MACROD2: variants seen among roughly 807,000 people sequenced by gnomAD.
MACROD2 encodes the protein mono-ADP ribosylhydrolase 2, also known as ADP-ribose glycohydrolase MACROD2.
MACROD2 carries 36 observed loss-of-function variants against 70.4 expected under a neutral mutation model. That is an observed-to-expected ratio of 0.51 (90% CI 0.39 to 0.68). The LOEUF is 0.68. Ranked by LOEUF, MACROD2 falls within the 30% of genes least tolerant of loss-of-function variation. The pLI, the probability that MACROD2 is intolerant of heterozygous loss-of-function variation, is 0.00. For synonymous variants in MACROD2, 172 were observed against 178.8 expected (o/e 0.96, Z 0.30); for missense variants, 496 against 538.4 (o/e 0.92, Z 0.78).
intron 3 of MACROD2, among the ~76,000 whole-genome samples, chr20:14,294,689 G>C (rs1331812228): frequency 1.3e-5 from 2 of 151,776 alleles, no homozygotes; most frequent in Non-Finnish European, 2.9e-5. Context: ...AGTAGGCATT[G>C]AGATGCTCTT....
At chr20:14,281,377 A>G (rs891918403) in intron 3 of MACROD2, among the ~76,000 whole-genome samples, 2 of 152,246 alleles carry the variant, frequency 1.3e-5, no homozygotes, top group Admixed American at 6.5e-5. Context: ...GCAAATCCAT[A>G]GAAACAGAAG....
intron 6 of MACROD2, among the ~76,000 whole-genome samples, chr20:15,254,102 G>A (rs1022242222): frequency 6.6e-6 from 1 of 152,094 alleles, no homozygotes; most frequent in African/African-American, 2.4e-5. Context: ...ACTTTAAAAT[G>A]TCTCTTCACC....
chr20:15,443,587 G>A (rs1005135186), intron 7 of MACROD2, among the ~76,000 whole-genome samples: 4 of 152,048 alleles, frequency 2.6e-5, no homozygotes, highest in African/African-American at 7.2e-5. Flanking sequence ...ATCTTCTTAA[G>A]CAATTGCGTT....
intron 3 of MACROD2, among the ~76,000 whole-genome samples, chr20:14,481,548 T>C (rs1336223002): frequency 6.6e-6 from 1 of 152,214 alleles, no homozygotes; most frequent in African/African-American, 2.4e-5. Flanking sequence ...GTAACTTTGG[T>C]TTAAAAACCA....
chr20:14,862,680 TATATATATAA>T (rs1318346129), intron 5 of MACROD2, among the ~76,000 whole-genome samples: 2 of 69,252 alleles, frequency 2.9e-5, no homozygotes, highest in African/African-American at 6.5e-5. Flanking sequence ...TATATATAAA[TATATATATAA>T]ATATATATAA....
At chr20:15,462,542 G>A (rs1049088135) in intron 7 of MACROD2, among the ~76,000 whole-genome samples, 1 of 152,166 alleles carries the variant, frequency 6.6e-6, no homozygotes, top group African/African-American at 2.4e-5. Context: ...TGAAAGATAG[G>A]AAAGGCAAGT....
At chr20:16,035,072 AAATATAATATGTAATATAAAATAT>A (rs1329919072) in intron 15 of MACROD2, among the ~76,000 whole-genome samples, 18 of 26,978 alleles carry the variant, frequency 6.7e-4, no homozygotes, top group Non-Finnish European at 8.5e-4. Flanking sequence ...ATTATATATA[AAATATAATATGTAATATAAAATAT>A]TATATATTAT....
chr20:14,015,969 A>T lies in MACROD2; in HGVS notation c.163+13565A>T, dbSNP rs1380435560. On this transcript the variant is annotated intron_variant, in intron 2 of 17. Transcript: ENST00000684519. ...AGTATCTTTTTAAGTCCCTGTTTTC[A>T]ATTATTTTGGGTATTAACTAAGAGT... Among the ~76,000 whole-genome samples the T allele has an allele frequency of 3.9e-5, 6 of 152,240 alleles. No homozygotes were observed. In the South Asian group the frequency reaches 6.2e-4, roughly 16 times the overall value.
chr20:14,075,004 T>G (rs1489392293), intron 2 of MACROD2, among the ~76,000 whole-genome samples: 1 of 152,216 alleles, frequency 6.6e-6, no homozygotes, highest in East Asian at 1.9e-4. Flanking sequence ...TCATCTCAGT[T>G]ATCACATTCA....
At chr20:15,544,019 G>A (rs1188186567) in intron 8 of MACROD2, among the ~76,000 whole-genome samples, 1 of 152,170 alleles carries the variant, frequency 6.6e-6, no homozygotes, top group African/African-American at 2.4e-5. Flanking sequence ...AAGGGGCAGG[G>A]GAGGTGACTC....
intron 8 of MACROD2, among the ~76,000 whole-genome samples, chr20:15,512,711 C>T (rs2047515943): frequency 6.6e-6 from 1 of 152,232 alleles, no homozygotes; most frequent in Non-Finnish European, 1.5e-5. Flanking sequence ...GAATCAGACC[C>T]TGGATGTGGA....
chr20:15,818,777 A>C (rs754675223), intron 8 of MACROD2, among the ~76,000 whole-genome samples: 3 of 152,186 alleles, frequency 2.0e-5, no homozygotes, highest in Non-Finnish European at 4.4e-5. Flanking sequence ...TCCTGGAGCC[A>C]GTGCCCTGTG....
At chr20:15,758,507 TGGGATTACA>T (rs951289497) in intron 8 of MACROD2, among the ~76,000 whole-genome samples, 4 of 151,614 alleles carry the variant, frequency 2.6e-5, no homozygotes, top group African/African-American at 9.7e-5. Flanking sequence ...CCCAAAGTGC[TGGGATTACA>T]GGCGTGAGTC....
At chr20:15,911,529 G>A (rs1247342950) in intron 10 of MACROD2, among the ~76,000 whole-genome samples, 5 of 151,294 alleles carry the variant, frequency 3.3e-5, no homozygotes, top group South Asian at 2.1e-4. Context: ...GCCCCACCTC[G>A]AAGACTGGAG....
At chr20:15,420,609 T>A (rs11484369) in intron 6 of MACROD2, among the ~76,000 whole-genome samples, 28 of 149,492 alleles carry the variant, frequency 1.9e-4, no homozygotes, top group Non-Finnish European at 3.7e-4. Flanking sequence ...GGGAAAAAAA[T>A]TGAATTATTG....
chr20:15,567,483 A>G (rs1325462333), intron 8 of MACROD2, among the ~76,000 whole-genome samples: 2 of 152,230 alleles, frequency 1.3e-5, no homozygotes, highest in South Asian at 2.1e-4. Context: ...AATACCTCCC[A>G]GATTATCATA....
At chr20:15,050,401 G>A (rs891077362) in intron 5 of MACROD2, among the ~76,000 whole-genome samples, 1 of 151,960 alleles carries the variant, frequency 6.6e-6, no homozygotes, top group African/African-American at 2.4e-5. Context: ...TGTACAACAT[G>A]CATTTTGATA....
chr20:14,118,747 A>C (rs1408193815), intron 3 of MACROD2, among the ~76,000 whole-genome samples: 2 of 152,066 alleles, frequency 1.3e-5, no homozygotes, highest in Non-Finnish European at 2.9e-5. Flanking sequence ...ATGGGCTTCC[A>C]CAAGTGGCTA....
At chr20:14,534,994 T>A (rs1487593398) in intron 4 of MACROD2, among the ~76,000 whole-genome samples, 3 of 152,216 alleles carry the variant, frequency 2.0e-5, no homozygotes, top group Non-Finnish European at 4.4e-5. Context: ...AGGTTCTGAC[T>A]TATTACCAGA....
Sources: allele counts gnomAD v4.1 joint callset (sites outside exome capture counted in the v4.1 genomes callset), GRCh38; gene constraint gnomAD v4.1.1; transcripts MANE v1.5; gene names NCBI Gene and HGNC (gene_info 2026-07-23, HGNC 2026-07-21).